Variants in RAD51D observed in about 807,000 individuals in gnomAD.
The protein encoded by RAD51D is DNA repair protein RAD51 homolog 4.
Under a neutral mutation model 44.1 loss-of-function variants are expected in RAD51D, and 38 were observed. The ratio of observed to expected loss-of-function variants is 0.86; its 90% CI spans 0.67 to 1.13. The LOEUF (loss-of-function observed/expected upper bound fraction) is 1.13. RAD51D is among the 50% of genes most tolerant of loss of function. RAD51D has a pLI of 0.00. For missense variants in RAD51D, 390 were observed against 414.0 expected, an observed-to-expected ratio of 0.94 and a Z score of 0.50; for synonymous variants, 141 against 166.6, an observed-to-expected ratio of 0.85 and a Z score of 1.18.
In RAD51D at chr17:35,111,024, C is replaced by A. The variant is rs531033523; in HGVS notation, c.264-3577G>T. On this transcript the variant is annotated intron_variant, in intron 3 of 9. Transcript: ENST00000345365. ...TGAGGTCGAGGCAGGTGAATCAAACCCGGGAGGCGGGGGTTGCAGTGAGCC... is the reference window on the plus strand; with the variant it reads ...TGAGGTCGAGGCAGGTGAATCAAACACGGGAGGCGGGGGTTGCAGTGAGCC... Among the ~76,000 whole-genome samples the A allele has an allele frequency of 2.9e-4, 44 of 152,024 alleles. 2 individuals are homozygous for A. In the South Asian group the frequency reaches 8.7e-3, roughly 30 times the overall value.
rs1464129449 is a variant in RAD51D at position 35,119,564 on chromosome 17, A to G, written c.50T>C (p.Ile17Thr). The G allele has an allele frequency of 1.2e-6, 2 of 1,612,674 alleles. No homozygotes were observed. The highest frequency in any genetic ancestry group is 1.3e-5 in the African/African-American group (1 of 74,898). Residue 17 changes from isoleucine to threonine, a missense_variant, in exon 1 of 10, where the codon ATC becomes ACC. By Grantham distance (89) the Ile-to-Thr change is moderately conservative. Coordinates refer to ENST00000345365, the MANE Select transcript of RAD51D (RefSeq NM_002878.4). ...GLCPGLTEEM[I>T]QLLRSHRIKT... ...GATCCTGTGGCTCCTGAGAAGCTGG[A>G]TCATCTCCTCGGTAAGGCCAGGGCA...
chr17:35,119,296 G>A lies in RAD51D; in HGVS notation c.83-124C>T, dbSNP rs569164818. The stretch of plus-strand genomic sequence containing the variant: ...CGGCAGGCCGTCTCAGGAGGCCAGT[G>A]TGAAATAACAAAGCTGCAGGAGCCG... On this transcript the variant is annotated intron_variant, in intron 1 of 9. Transcript: ENST00000345365. 272 of 1,002,990 alleles carry A rather than the reference G, an allele frequency of 2.7e-4. 1 individual carries two copies. In the African/African-American group the frequency reaches 3.8e-3, roughly 14 times the overall value. 62.1% of individuals were successfully genotyped at this position (1,002,990 alleles called of 1,614,324 possible). A position where few individuals can be genotyped will look rare whatever the true frequency, so the allele number is the denominator to read the frequency against.
At position 35,100,661 on chromosome 17, in the gene RAD51D, T is replaced by A; in HGVS notation, c.*292A>T. ...AGTCGCCAGCATGCCTCATCAGAGA[T>A]GCTCCCAGCCAGGGTGAACTTGGTT... On this transcript the variant is annotated 3_prime_UTR_variant, in exon 10 of 10. Coordinates refer to ENST00000345365, the MANE Select transcript of RAD51D (RefSeq NM_002878.4). 1 of 577,326 alleles carries A rather than the reference T, an allele frequency of 1.7e-6. No homozygotes were observed. The highest frequency in any genetic ancestry group is 3.4e-5 in the East Asian group (1 of 29,704). 35.8% of individuals were successfully genotyped at this position (577,326 alleles called of 1,614,324 possible).
chr17:35,114,519 A>C (rs999690137), intron 3 of RAD51D, among the ~76,000 whole-genome samples: 2 of 145,676 alleles, frequency 1.4e-5, no homozygotes, highest in African/African-American at 5.1e-5. Flanking sequence ...CTGTCTCTAC[A>C]AAAAAAAAAA....
At chr17:35,109,516 C>T (rs944698136) in intron 3 of RAD51D, among the ~76,000 whole-genome samples, 77 of 152,262 alleles carry the variant, frequency 5.1e-4, no homozygotes, top group Middle Eastern at 6.8e-3. Context: ...TTTACATATC[C>T]GCTAACAATG....
Position 35,095,193 on chromosome 17 carries a change from AAAT to A in RAD51D, c.*5757_*5759del, listed in dbSNP as rs2091479561. The A allele has an allele frequency of 6.6e-6, 1 of 152,126 alleles. No individual in the cohort carries two copies. The highest frequency in any genetic ancestry group is 2.4e-5 in the African/African-American group (1 of 41,414). 9.4% of individuals were successfully genotyped at this position (152,126 alleles called of 1,614,324 possible). A position where few individuals can be genotyped will look rare whatever the true frequency, so the allele number is the denominator to read the frequency against. On this transcript the variant is annotated 3_prime_UTR_variant, in exon 10 of 10. Coordinates refer to ENST00000345365, the MANE Select transcript of RAD51D (RefSeq NM_002878.4). The stretch of plus-strand genomic sequence containing the variant: ...TTCTGAGTTAGTCCTTTGTTAAATT[AAAT>A]TTGGGGTCGGGTGTGGTGTCTCACG...
chr17:35,106,496 A>C lies in RAD51D; in HGVS notation c.481-15T>G. On this transcript the variant is annotated splice_polypyrimidine_tract_variant and intron_variant, in intron 5 of 9. Transcript: ENST00000345365. Reference sequence around the variant, plus strand: ...AGAGCTTCTGCCTGAAGCGGTGGAAAAGAAAAGCAAGGACTTTGGATAAGA... The same window carrying C: ...AGAGCTTCTGCCTGAAGCGGTGGAACAGAAAAGCAAGGACTTTGGATAAGA... 1 of 1,597,770 alleles carries C rather than the reference A, an allele frequency of 6.3e-7. No individual in the cohort carries two copies. Among genetic ancestry groups the C allele is most frequent in the South Asian group, 1.1e-5 (1 of 89,670 alleles).
chr17:35,109,679 T>A (rs897497116), intron 3 of RAD51D, among the ~76,000 whole-genome samples: 3 of 152,146 alleles, frequency 2.0e-5, no homozygotes, highest in African/African-American at 7.2e-5. Flanking sequence ...AACTTTTTTT[T>A]TTTTTGAAAC....
intron 3 of RAD51D, among the ~76,000 whole-genome samples, chr17:35,115,896 A>AAGGAAGG (rs1193104067): frequency 2.4e-5 from 2 of 84,750 alleles, no homozygotes; most frequent in South Asian, 4.5e-4. Flanking sequence ...GGAAAGAAGG[A>AAGGAAGG]AAGGAAGGAA....
rs2091788601 is a variant in RAD51D at position 35,119,140 on chromosome 17, C to T, written c.115G>A (p.Val39Ile). 6.2e-7 allele frequency: 1 copy of T among 1,614,062 alleles called. No individual in the cohort carries two copies. The highest frequency in any genetic ancestry group is 8.5e-7 in the Non-Finnish European group (1 of 1,179,882). The change falls in exon 2 of 10, where the codon GTA becomes ATA. Residue 39 changes from valine (V) to isoleucine (I), a missense_variant. Transcript: ENST00000345365. ...TAAGACAAGCCACATTTCTGAGCTA[C>T]CTCTTCCAGGTCTGCAGAAACCAGG... ...VDLVSADLEEVAQKCGLSYKA... is the reference protein window; with the variant it reads ...VDLVSADLEEIAQKCGLSYKA...
Position 35,116,884 on chromosome 17 carries a change from G to T in RAD51D, c.263+1617C>A, listed in dbSNP as rs774000286. ...CGTGAAGTGCTGACCGCAGTGCCTC[G>T]TTCATCGAAAGCATTCAGCGAAAGT... On this transcript the variant is annotated intron_variant, in intron 3 of 9. Coordinates refer to ENST00000345365, the MANE Select transcript of RAD51D (RefSeq NM_002878.4). 3 of 1,578,252 alleles carry T rather than the reference G, an allele frequency of 1.9e-6. No homozygotes were observed. In the Admixed American group the frequency reaches 5.5e-5, roughly 29 times the overall value.
chr17:35,118,261 A>C (rs2091771904), intron 3 of RAD51D, among the ~76,000 whole-genome samples: 1 of 152,206 alleles, frequency 6.6e-6, no homozygotes, highest in Admixed American at 6.5e-5. Flanking sequence ...TACACTGCAC[A>C]GGACAGCCTC....
chr17:35,109,998 C>A (rs1022149270), intron 3 of RAD51D, among the ~76,000 whole-genome samples: 2 of 138,094 alleles, frequency 1.4e-5, no homozygotes, highest in African/African-American at 5.6e-5. Context: ...GGTCTCACGT[C>A]TCACTGTGTC....
chr17:35,109,156 C>T (rs1385559409), intron 3 of RAD51D, among the ~76,000 whole-genome samples: 3 of 152,136 alleles, frequency 2.0e-5, no homozygotes, highest in Admixed American at 1.3e-4. Context: ...CATGAGCCAC[C>T]GTGCCTGGCC....
At position 35,093,502 on chromosome 17, in the gene RAD51D, G is replaced by A. The variant is rs1213278222; in HGVS notation, c.*7451C>T. 1 of 152,242 alleles carries A rather than the reference G, an allele frequency of 6.6e-6. No individual in the cohort carries two copies. The highest frequency in any genetic ancestry group is 6.5e-5 in the Admixed American group (1 of 15,280). The allele number at this position is 152,242 out of a possible 1,614,324, so 9.4% of individuals were successfully genotyped here. A position where few individuals can be genotyped will look rare whatever the true frequency, so the allele number is the denominator to read the frequency against. The stretch of plus-strand genomic sequence containing the variant: ...AAGTCAAATGTGCAGCAGCTGAAGT[G>A]CAGCCGTACAGCTCCAGGGCATGAG... On this transcript the variant is annotated 3_prime_UTR_variant, in exon 10 of 10. Transcript: ENST00000345365.
chr17:35,118,581 G>T lies in RAD51D; in HGVS notation c.183C>A (p.Phe61Leu), dbSNP rs1185842552. ...CAGCGCCATTCACGGGGAAAGCCGA[G>T]AACTGAGCCAGCAGCACCCGCCTCA... ...VALRRVLLAQ[F>L]SAFPVNGADL... is the part of the protein sequence containing the mutation. The change falls in exon 3 of 10, where the codon TTC (phenylalanine) becomes TTA (leucine). Residue 61 changes from phenylalanine (F) to leucine (L), a missense_variant. Transcript: ENST00000345365. The T allele has an allele frequency of 6.2e-7, 1 of 1,614,186 alleles. No individual in the cohort carries two copies. Among genetic ancestry groups the T allele is most frequent in the Non-Finnish European group, 8.5e-7 (1 of 1,180,038 alleles).
chr17:35,107,175 G>C (rs552860589), intron 4 of RAD51D, 53 bp from the exon 5 acceptor site: 1 of 1,607,372 alleles, frequency 6.2e-7, no homozygotes, highest in South Asian at 1.1e-5. Context: ...GTCCAGATGG[G>C]AGCTCCCCAC....
In RAD51D at chr17:35,095,236, A is replaced by G. The variant is rs1039660688; in HGVS notation, c.*5717T>C. On this transcript the variant is annotated 3_prime_UTR_variant, in exon 10 of 10. Transcript: ENST00000345365. ...GGTGTCTCACGCCTGTAATCCAGGC[A>G]CTTTGGGAGGCAGAGGCAGGTGAAT... 2 of 152,224 alleles carry G rather than the reference A, an allele frequency of 1.3e-5. No individual in the cohort carries two copies. The highest frequency in any genetic ancestry group is 4.8e-5 in the African/African-American group (2 of 41,438). The allele number at this position is 152,224 out of a possible 1,614,324, so 9.4% of individuals were successfully genotyped here. A position where few individuals can be genotyped will look rare whatever the true frequency, so the allele number is the denominator to read the frequency against.
chr17:35,094,078 A>T lies in RAD51D; in HGVS notation c.*6875T>A, dbSNP rs1389077422. The T allele has an allele frequency of 6.6e-6, 1 of 152,236 alleles. No individual in the cohort carries two copies. Among genetic ancestry groups the T allele is most frequent in the East Asian group, 1.9e-4 (1 of 5,192 alleles). The allele number at this position is 152,236 out of a possible 1,614,324, so 9.4% of individuals were successfully genotyped here. A position where few individuals can be genotyped will look rare whatever the true frequency, so the allele number is the denominator to read the frequency against. ...TAAATCCCTTATCTCCCCCTGCTTCACATCTCAGGGATGCATAGGCCCTGT... is the reference window on the plus strand; with the variant it reads ...TAAATCCCTTATCTCCCCCTGCTTCTCATCTCAGGGATGCATAGGCCCTGT... On this transcript the variant is annotated 3_prime_UTR_variant, in exon 10 of 10. Transcript: ENST00000345365.
Sources: gnomAD v4.1 joint callset for allele counts (sites outside exome capture counted in the v4.1 genomes callset) on GRCh38, gnomAD v4.1.1 for gene constraint, MANE v1.5 for transcripts, NCBI Gene and HGNC (gene_info 2026-07-23, HGNC 2026-07-21) for gene names.